ASB18: variants seen among roughly 807,000 people sequenced by gnomAD.
The protein encoded by ASB18 is ankyrin repeat and SOCS box containing 18, also known as ankyrin repeat and SOCS box protein 18.
A neutral mutation model predicts 33.4 loss-of-function variants in ASB18; 33 were observed. The observed-to-expected ratio is 0.99, with a 90% confidence interval of 0.75 to 1.32. The LOEUF is 1.32. Ranked by LOEUF, ASB18 falls within the 40% of genes most tolerant of loss-of-function variation. The pLI is 0.00. For synonymous variants in ASB18, 295 were observed against 307.6 expected (o/e 0.96, Z 0.43); for missense variants, 694 against 655.5 (o/e 1.06, Z -0.64).
At position 236,221,216 on chromosome 2, in the gene ASB18, T is replaced by C. The variant is rs1036365701; in HGVS notation, c.597-6350A>G. On this transcript the variant is annotated intron_variant, in intron 3 of 5. Coordinates refer to ENST00000409749, the MANE Select transcript of ASB18 (RefSeq NM_212556.4). The surrounding 1 kb of genome is among the most constrained non-coding windows in gnomAD (Gnocchi z 5.6). ...ACAACCACCAAAAGATGATGCTGAC[T>C]GAGCAATGCAACAACAACAACAACA... is the stretch of plus-strand genomic sequence containing the variant. Among the ~76,000 whole-genome samples, 3 of 131,174 alleles carry C rather than the reference T, an allele frequency of 2.3e-5. No homozygotes were observed. Among genetic ancestry groups the C allele is most frequent in the Admixed American group, 2.2e-4 (3 of 13,916 alleles). 86.1% of individuals were successfully genotyped at this position (131,174 alleles called of 152,430 possible). A position where few individuals can be genotyped will look rare whatever the true frequency, so the allele number is the denominator to read the frequency against.
Position 236,263,635 on chromosome 2 carries a change from C to T in ASB18, c.205+506G>A, listed in dbSNP as rs981878008. On this transcript the variant is annotated intron_variant, in intron 1 of 5. Coordinates refer to ENST00000409749, the MANE Select transcript of ASB18 (RefSeq NM_212556.4). The surrounding 1 kb of genome is among the most constrained non-coding windows in gnomAD (Gnocchi z 4.0). Reference sequence around the variant, plus strand: ...ATATAATCCCAAAAAAGAAAAAAGCCGTATGAATCCTAATAAAGATGTTCG... The same window carrying T: ...ATATAATCCCAAAAAAGAAAAAAGCTGTATGAATCCTAATAAAGATGTTCG... Among the ~76,000 whole-genome samples, 11 of 152,066 alleles carry T rather than the reference C, an allele frequency of 7.2e-5. No homozygotes were observed. The highest frequency in any genetic ancestry group is 2.1e-4 in the South Asian group (1 of 4,820).
In ASB18 at chr2:236,263,275, G is replaced by C. The variant is rs1328838698; in HGVS notation, c.205+866C>G. Among the ~76,000 whole-genome samples, 1 of 152,224 alleles carries C rather than the reference G, an allele frequency of 6.6e-6. No individual in the cohort carries two copies. Among genetic ancestry groups the C allele is most frequent in the Non-Finnish European group, 1.5e-5 (1 of 68,040 alleles). On this transcript the variant is annotated intron_variant, in intron 1 of 5. Coordinates refer to ENST00000409749, the MANE Select transcript of ASB18 (RefSeq NM_212556.4). The surrounding 1 kb of genome is among the most constrained non-coding windows in gnomAD (Gnocchi z 4.0). ...TAAAAATGATTCCAAGAGATGGAGA[G>C]TTCCTGCCCAAGACCCAAATAGACA...
At position 236,231,080 on chromosome 2, in the gene ASB18, TCTCTC is replaced by T. The variant is rs1189902760; in HGVS notation, c.596+6604_596+6608del. Among the ~76,000 whole-genome samples the T allele has an allele frequency of 2.0e-5, 3 of 152,164 alleles. No individual in the cohort carries two copies. The highest frequency in any genetic ancestry group is 1.3e-4 in the Admixed American group (2 of 15,278). On this transcript the variant is annotated intron_variant, in intron 3 of 5. Coordinates refer to ENST00000409749, the MANE Select transcript of ASB18 (RefSeq NM_212556.4). This position sits in a 1 kb window ranked among gnomAD's most constrained non-coding sequence, Gnocchi z 5.5. ...GTCTATCTTCTGGTGTCCATGCTCT[TCTCTC>T]CTCTCCTTGAGCGTGGGCAGAACCT...
chr2:236,193,753 G>A lies in ASB18; in HGVS notation c.*1119C>T, dbSNP rs182528299. On this transcript the variant is annotated 3_prime_UTR_variant, in exon 6 of 6. Transcript: ENST00000409749. The surrounding 1 kb of genome is among the most constrained non-coding windows in gnomAD (Gnocchi z 5.0). ...GGAGGTTGCGGTGAGCCAAGATTGC[G>A]CCAGTCTCAAAACAAACAAACAAAC... Among the ~76,000 whole-genome samples, 45 of 152,216 alleles carry A rather than the reference G, an allele frequency of 3.0e-4. No homozygotes were observed. The highest frequency in any genetic ancestry group is 5.1e-4 in the Non-Finnish European group (35 of 68,006).
At chr2:236,201,197 G>A (rs1481874784) in intron 4 of ASB18, among the ~76,000 whole-genome samples, 1 of 151,514 alleles carries the variant, frequency 6.6e-6, no homozygotes, top group African/African-American at 2.4e-5. Context: ...TGTCACCTAT[G>A]CTGCAGTGCA....
Position 236,214,911 on chromosome 2 carries a change from C to G in ASB18, c.597-45G>C, listed in dbSNP as rs889251051. The stretch of plus-strand genomic sequence containing the variant: ...GTCACTCGGGCGCCACGCAGGACGC[C>G]CGCACCCTTCCACCCCCGGCCTGCT... On this transcript the variant is annotated intron_variant, in intron 3 of 5. Coordinates refer to ENST00000409749, the MANE Select transcript of ASB18 (RefSeq NM_212556.4). The surrounding 1 kb of genome is among the most constrained non-coding windows in gnomAD (Gnocchi z 6.5). 120 of 1,202,200 alleles carry G rather than the reference C, an allele frequency of 1.0e-4. No individual in the cohort carries two copies. Among genetic ancestry groups the G allele is most frequent in the Non-Finnish European group, 1.2e-4 (113 of 968,764 alleles). 74.5% of individuals were successfully genotyped at this position (1,202,200 alleles called of 1,614,324 possible). A position where few individuals can be genotyped will look rare whatever the true frequency, so the allele number is the denominator to read the frequency against.
intron 1 of ASB18, chr2:236,247,974 G>A (rs1014001669): frequency 6.6e-6 from 1 of 152,198 alleles, no homozygotes; most frequent in Non-Finnish European, 1.5e-5. Context: ...AAGTCACTAG[G>A]AACACGTCAG....
intron 4 of ASB18, among the ~76,000 whole-genome samples, chr2:236,201,375 A>G (rs1299157312): frequency 1.3e-5 from 2 of 152,002 alleles, no homozygotes; most frequent in African/African-American, 2.4e-5. Flanking sequence ...GCTGGTTTTG[A>G]ACTCCTGGGT....
rs755337799 is a variant in ASB18, at chr2:236,220,754, TTTTA to T, written c.597-5892_597-5889del. On this transcript the variant is annotated intron_variant, in intron 3 of 5. Transcript: ENST00000409749. This position sits in a 1 kb window ranked among gnomAD's most constrained non-coding sequence, Gnocchi z 5.1. ...CCCCTCCACTGCCCCTTCCCACTGG[TTTTA>T]TTTGTTAAGCACCTTCTCTGAGGCA... is the stretch of plus-strand genomic sequence containing the variant. Among the ~76,000 whole-genome samples, 5 of 152,098 alleles carry T rather than the reference TTTTA, an allele frequency of 3.3e-5. No individual in the cohort carries two copies. The highest frequency in any genetic ancestry group is 7.4e-5 in the Non-Finnish European group (5 of 68,022).
In ASB18 at chr2:236,222,331, A is replaced by G. The variant is rs1158992217; in HGVS notation, c.597-7465T>C. Reference sequence around the variant, plus strand: ...ATCCTTCAGGGTAGGAGGGCGACTGAGAAGAGAAACTGGTTGGCCATTTCT... The same window carrying G: ...ATCCTTCAGGGTAGGAGGGCGACTGGGAAGAGAAACTGGTTGGCCATTTCT... On this transcript the variant is annotated intron_variant, in intron 3 of 5. Coordinates refer to ENST00000409749, the MANE Select transcript of ASB18 (RefSeq NM_212556.4). This position sits in a 1 kb window ranked among gnomAD's most constrained non-coding sequence, Gnocchi z 5.5. Among the ~76,000 whole-genome samples the G allele has an allele frequency of 1.3e-5, 2 of 152,188 alleles. No homozygotes were observed. Among genetic ancestry groups the G allele is most frequent in the Non-Finnish European group, 2.9e-5 (2 of 68,040 alleles).
At position 236,209,273 on chromosome 2, in the gene ASB18, C is replaced by CT. The variant is rs200717235; in HGVS notation, c.1101+5088dup. Among the ~76,000 whole-genome samples, 2,446 of 139,400 alleles carry CT rather than the reference C, an allele frequency of 0.018. 41 individuals are homozygous for CT. The highest frequency in any genetic ancestry group is 0.073 in the South Asian group (321 of 4,412). 91.5% of individuals were successfully genotyped at this position (139,400 alleles called of 152,430 possible). ...GATTTGCAGATGTTTCTAGAATCTG[C>CT]TTTTTTTTTTTTTTTTTAAGACAAG... is the stretch of plus-strand genomic sequence containing the variant. On this transcript the variant is annotated intron_variant, in intron 4 of 5. Coordinates refer to ENST00000409749, the MANE Select transcript of ASB18 (RefSeq NM_212556.4). This position sits in a 1 kb window ranked among gnomAD's most constrained non-coding sequence, Gnocchi z 4.4.
Position 236,219,752 on chromosome 2 carries a change from G to T in ASB18, c.597-4886C>A, listed in dbSNP as rs1391312613. 6.6e-6 allele frequency among the ~76,000 whole-genome samples: 1 copy of T among 152,104 alleles called. No homozygotes were observed. The highest frequency in any genetic ancestry group is 1.5e-5 in the Non-Finnish European group (1 of 68,026). On this transcript the variant is annotated intron_variant, in intron 3 of 5. Transcript: ENST00000409749. The surrounding 1 kb of genome is among the most constrained non-coding windows in gnomAD (Gnocchi z 6.4). The stretch of plus-strand genomic sequence containing the variant: ...CTGAAGCCTTTGCAGGTCTATGTCT[G>T]GGACCCAGCCTTGGCTGAGCCTTTT...
intron 3 of ASB18, among the ~76,000 whole-genome samples, chr2:236,227,300 C>T (rs932409021): frequency 1.5e-4 from 23 of 152,178 alleles, no homozygotes; most frequent in African/African-American, 5.3e-4. Context: ...AGGAAAGAAA[C>T]ATCAAGCCCC....
At chr2:236,243,051 C>T (rs11890436) in intron 1 of ASB18, among the ~76,000 whole-genome samples, 8,689 of 119,790 alleles carry the variant, frequency 0.073, 712 homozygotes, top group African/African-American at 0.21. Flanking sequence ...AAAAAAAGGG[C>T]TGGGCGCAGT....
chr2:236,222,056 G>A lies in ASB18; in HGVS notation c.597-7190C>T, dbSNP rs1433943143. Among the ~76,000 whole-genome samples the A allele has an allele frequency of 6.6e-6, 1 of 152,126 alleles. No homozygotes were observed. Among genetic ancestry groups the A allele is most frequent in the Non-Finnish European group, 1.5e-5 (1 of 68,028 alleles). ...TTTCTAACGAAGCTGCTGCAGGAAG[G>A]TTTCCTCCTGTGGCTCTATGCCCCA... On this transcript the variant is annotated intron_variant, in intron 3 of 5. Transcript: ENST00000409749. This position sits in a 1 kb window ranked among gnomAD's most constrained non-coding sequence, Gnocchi z 5.5.
rs1208000547 is a variant in ASB18, at chr2:236,215,038, A to AAG, written c.597-174_597-173dup. 6.6e-6 allele frequency among the ~76,000 whole-genome samples: 1 copy of AAG among 150,856 alleles called. No homozygotes were observed. Among genetic ancestry groups the AAG allele is most frequent in the Non-Finnish European group, 1.5e-5 (1 of 67,910 alleles). On this transcript the variant is annotated intron_variant, in intron 3 of 5. Transcript: ENST00000409749. The surrounding 1 kb of genome is among the most constrained non-coding windows in gnomAD (Gnocchi z 7.2). ...TAAACTGGAAAAAAAAAAAAAAAAA[A>AAG]AGAGATTATGGCAAAACCAGCTCCT...
intron 4 of ASB18, among the ~76,000 whole-genome samples, chr2:236,207,633 CG>C (rs1373365703): frequency 8.5e-5 from 9 of 106,236 alleles, no homozygotes; most frequent in Admixed American, 7.2e-4. Flanking sequence ...GGGAGGGGGA[CG>C]AGGGCCTGGC....
rs1002566187 is a variant in ASB18 at position 236,262,975 on chromosome 2, A to G, written c.205+1166T>C. Reference sequence around the variant, plus strand: ...CATTCCCTAGCAGCAACTCCCACTCATGTCCCATCTGTGTTCCTCCTGCAT... The same window carrying G: ...CATTCCCTAGCAGCAACTCCCACTCGTGTCCCATCTGTGTTCCTCCTGCAT... On this transcript the variant is annotated intron_variant, in intron 1 of 5. Transcript: ENST00000409749. The surrounding 1 kb of genome is among the most constrained non-coding windows in gnomAD (Gnocchi z 5.2). 3.3e-5 allele frequency among the ~76,000 whole-genome samples: 5 copies of G among 152,026 alleles called. No homozygotes were observed. The highest frequency in any genetic ancestry group is 1.2e-4 in the African/African-American group (5 of 41,388).
intron 1 of ASB18, among the ~76,000 whole-genome samples, chr2:236,246,619 G>A (rs116252704): frequency 0.26 from 39,328 of 151,660 alleles, 7,718 homozygotes; most frequent in African/African-American, 0.56. Context: ...AGCCTTCGTT[G>A]GAGATCAAAT....
Sources: allele counts gnomAD v4.1 joint callset (sites outside exome capture counted in the v4.1 genomes callset), GRCh38; gene constraint gnomAD v4.1.1; non-coding constraint Gnocchi (gnomAD v3.1); transcripts MANE v1.5; gene names NCBI Gene and HGNC (gene_info 2026-07-23, HGNC 2026-07-21).